F8: variants seen among roughly 807,000 people sequenced by gnomAD.
F8 encodes coagulation factor VIII.
In F8, 12 loss-of-function variants were observed where a neutral mutation model predicts 140.6. The observed-to-expected ratio is 0.09, with a 90% CI of 0.05 to 0.14. The LOEUF (loss-of-function observed/expected upper bound fraction) is 0.14. Ranked by LOEUF, F8 falls within the 10% of genes least tolerant of loss-of-function variation. The pLI, the probability that F8 is intolerant of heterozygous loss-of-function variation, is 1.00. For missense variants in F8, 1,354 were observed against 1,720.7 expected, an observed-to-expected ratio of 0.79 and a Z score of 3.77; for synonymous variants, 585 against 614.6, an observed-to-expected ratio of 0.95 and a Z score of 0.71.
At chrX:154,877,826 T>G (rs1183633263) in intron 22 of F8, among the ~76,000 whole-genome samples, 1 of 112,220 alleles carries the variant, frequency 8.9e-6, no homozygotes, top group African/African-American at 3.2e-5. Context: ...ACTAATACCC[T>G]GTATACATTG....
chrX:154,991,250 T>C (rs2073586415), intron 4 of F8, among the ~76,000 whole-genome samples: 1 of 112,025 alleles, frequency 8.9e-6, no homozygotes, highest in Non-Finnish European at 1.9e-5. Context: ...TTCTCACTCC[T>C]TGAAACCCCA....
intron 13 of F8, among the ~76,000 whole-genome samples, chrX:154,940,977 T>G (rs1321062660): frequency 1.8e-5 from 2 of 111,761 alleles, no homozygotes; most frequent in Non-Finnish European, 3.8e-5. Context: ...AGAGATTTTG[T>G]CACCACCAGG....
chrX:154,928,823 G>C lies in F8; in HGVS notation c.4967C>G (p.Ser1656Cys). 4.1e-6 allele frequency: 5 copies of C among 1,211,882 alleles called. No individual in the cohort carries two copies. Among genetic ancestry groups the C allele is most frequent in the Non-Finnish European group, 5.6e-6 (5 of 895,491 alleles). Reference sequence around the variant, plus strand: ...GCGTTTCAAGACTGGTGGGTTTTGAGAGCACAGCCTTTCAGTCCTACCTTG... The same window carrying C: ...GCGTTTCAAGACTGGTGGGTTTTGACAGCACAGCCTTTCAGTCCTACCTTG... Reference protein sequence around the residue: ...AKQGRTERLCSQNPPVLKRHQ... With the variant: ...AKQGRTERLCCQNPPVLKRHQ... The change falls in exon 14 of 26, where the codon TCT becomes TGT. Residue 1656 changes from serine to cysteine, a missense_variant. Around this residue, in one of 4 missense-constraint regions of F8, gnomAD observed 658 missense variants for 666.5 expected, o/e 0.99. Transcript: ENST00000360256.
intron 6 of F8, chrX:154,977,370 T>C (rs1394214057): frequency 2.7e-5 from 3 of 112,271 alleles, no homozygotes; most frequent in Non-Finnish European, 5.6e-5. Flanking sequence ...GTGGGTTTTA[T>C]ACCTTCAGAT....
At chrX:154,839,706 T>A (rs2072505723) in intron 25 of F8, among the ~76,000 whole-genome samples, 1 of 111,557 alleles carries the variant, frequency 9.0e-6, no homozygotes, top group Admixed American at 9.5e-5. Flanking sequence ...AATCTCAACT[T>A]ATTTGTTTCC....
intron 12 of F8, among the ~76,000 whole-genome samples, chrX:154,950,971 G>T (rs1356289999): frequency 8.9e-6 from 1 of 111,995 alleles, no homozygotes; most frequent in Non-Finnish European, 1.9e-5. Context: ...CTTCTTGTAC[G>T]TGGATATTTA....
At chrX:154,982,811 G>C (rs1477223377) in intron 6 of F8, among the ~76,000 whole-genome samples, 3 of 111,884 alleles carry the variant, frequency 2.7e-5, no homozygotes, top group African/African-American at 9.8e-5. Context: ...AGGATACTTG[G>C]GACCCGTATA....
At position 154,928,880 on chromosome X, in the gene F8, T is replaced by C. The variant is rs1557278314; in HGVS notation, c.4910A>G (p.Asn1637Ser). 8.3e-7 allele frequency: 1 copy of C among 1,211,982 alleles called. No homozygotes were observed. Among genetic ancestry groups the C allele is most frequent in the Admixed American group, 2.2e-5 (1 of 46,035 alleles). ...HAIAAINEGQ[N>S]KPEIEVTWAK... ...CCAGGTGACTTCTATTTCGGGCTTA[T>C]TTTGTCCCTCATTTATTGCTGCTAT... The change falls in exon 14 of 26, where the codon AAT (asparagine) becomes AGT (serine). Residue 1637 changes from asparagine to serine, a missense_variant. Asn to Ser is a conservative substitution (Grantham distance 46). This residue lies in a region of F8 where 658 missense variants were observed against 666.5 expected (regional missense o/e 0.99). Transcript: ENST00000360256.
chrX:154,854,590 T>TTGTGTGTGTGTG (rs112995374), intron 25 of F8, among the ~76,000 whole-genome samples: 3 of 100,440 alleles, frequency 3.0e-5, no homozygotes, highest in Non-Finnish European at 6.1e-5. Flanking sequence ...AGCTAATTCC[T>TTGTGTGTGTGTG]TGTGTGTGTG....
chrX:154,901,974 A>G (rs1459280167), intron 19 of F8, 77 bp downstream of exon 19: 4 of 648,754 alleles, frequency 6.2e-6, no homozygotes, highest in Admixed American at 4.5e-5. Context: ...TGACACAAGC[A>G]ACCATTCCAG....
At chrX:154,896,506 T>TACAC (rs57253105) in intron 21 of F8, among the ~76,000 whole-genome samples, 65 of 98,999 alleles carry the variant, frequency 6.6e-4, no homozygotes, top group Non-Finnish European at 1.0e-3. Flanking sequence ...CCCCATTTCG[T>TACAC]ACACACACAC....
At chrX:154,938,180 C>T (rs2073234631) in intron 13 of F8, among the ~76,000 whole-genome samples, 1 of 110,513 alleles carries the variant, frequency 9.0e-6, no homozygotes, top group South Asian at 3.7e-4. Context: ...TGTGACAATT[C>T]TTTAAAAATG....
chrX:154,841,552 G>A (rs1015329513), intron 25 of F8, among the ~76,000 whole-genome samples: 2 of 110,764 alleles, frequency 1.8e-5, no homozygotes, highest in Non-Finnish European at 3.8e-5. Flanking sequence ...TTTTCAGCAA[G>A]CTTGAAAAAT....
chrX:154,887,702 G>A (rs1156739455), intron 22 of F8: 1 of 503,829 alleles, frequency 2.0e-6, no homozygotes, highest in African/African-American at 3.1e-5. Flanking sequence ...CCAGCACCCC[G>A]AGAACACATT....
At chrX:155,016,022 A>T (rs1257643362) in intron 1 of F8, among the ~76,000 whole-genome samples, 2 of 111,895 alleles carry the variant, frequency 1.8e-5, no homozygotes, top group Non-Finnish European at 3.8e-5. Context: ...GGATCACTTG[A>T]GGCCAGGAGT....
chrX:154,896,026 C>T, intron 22 of F8, 51 bp downstream of exon 22: 1 of 1,154,646 alleles, frequency 8.7e-7, no homozygotes. Flanking sequence ...TGAAATCTGC[C>T]AAAATTCTTT....
intron 25 of F8, among the ~76,000 whole-genome samples, chrX:154,857,563 A>C (rs1185709471): frequency 1.8e-5 from 2 of 112,010 alleles, no homozygotes; most frequent in African/African-American, 6.5e-5. Context: ...ATACCCATGA[A>C]GGACAGTGGG....
At chrX:154,904,752 T>C in intron 16 of F8, 59 bp downstream of exon 16, 1 of 1,037,555 alleles carries the variant, frequency 9.6e-7, no homozygotes, top group Non-Finnish European at 1.4e-6. Flanking sequence ...AAATTCTTAG[T>C]ACACAAAGAC....
At chrX:154,982,920 T>C (rs1296126388) in intron 6 of F8, among the ~76,000 whole-genome samples, 2 of 112,535 alleles carry the variant, frequency 1.8e-5, no homozygotes, top group Non-Finnish European at 3.7e-5. Flanking sequence ...ATATACAGCA[T>C]ATAATACATA....
Sources: allele counts gnomAD v4.1 joint callset (sites outside exome capture counted in the v4.1 genomes callset), GRCh38; gene constraint gnomAD v4.1.1; regional missense constraint gnomAD v4.1.1; transcripts MANE v1.5; gene names NCBI Gene and HGNC (gene_info 2026-07-23, HGNC 2026-07-21).